The following SUMF1 variants were observed in gnomAD, a reference collection of about 807,000 sequenced individuals.
SUMF1 encodes the protein sulfatase modifying factor 1.
In SUMF1, 48 loss-of-function variants were observed where a neutral mutation model predicts 47.6. That is an observed-to-expected ratio of 1.01 (90% CI 0.80 to 1.28). The LOEUF is 1.28. Ranked by LOEUF, SUMF1 falls within the 50% of genes most tolerant of loss-of-function variation. The probability of loss-of-function intolerance (pLI) is 0.00; values close to 1 mark genes in which losing one functional copy is unlikely to be tolerated. For synonymous variants in SUMF1, 230 were observed against 192.1 expected (o/e 1.20, Z -1.63); for missense variants, 571 against 485.4 (o/e 1.18, Z -1.66).
At chr3:4,297,000 C>T (rs185516246) in intron 8 of SUMF1, among the ~76,000 whole-genome samples, 45 of 152,248 alleles carry the variant, frequency 3.0e-4, no homozygotes, top group Admixed American at 7.8e-4. Context: ...TCTTGGAAGA[C>T]GGACTTTCCC....
chr3:4,199,013 AATACC>A (rs1410912106), intron 8 of SUMF1, among the ~76,000 whole-genome samples: 1 of 152,162 alleles, frequency 6.6e-6, no homozygotes, highest in Non-Finnish European at 1.5e-5. Flanking sequence ...TGCAATTTAT[AATACC>A]ATAAAATTCG....
At chr3:4,073,015 C>T (rs886487014) in intron 8 of SUMF1, among the ~76,000 whole-genome samples, 1 of 152,096 alleles carries the variant, frequency 6.6e-6, no homozygotes, top group Non-Finnish European at 1.5e-5. Flanking sequence ...AGAAGAGCAA[C>T]CCAAAGAGAC....
chr3:4,152,588 T>G (rs1332244978), intron 8 of SUMF1, among the ~76,000 whole-genome samples: 1 of 151,484 alleles, frequency 6.6e-6, no homozygotes, highest in East Asian at 1.9e-4. Context: ...CCACCGTGCC[T>G]GGCCCAGTGT....
At chr3:4,355,001 T>C (rs971525841) in intron 8 of SUMF1, among the ~76,000 whole-genome samples, 7 of 152,228 alleles carry the variant, frequency 4.6e-5, no homozygotes, top group Non-Finnish European at 1.0e-4. Context: ...TGCAGGGATA[T>C]GATCCCAGAC....
At position 4,362,117 on chromosome 3, in the gene SUMF1, TG is replaced by T. The variant is rs1384538430; in HGVS notation, c.*26del. On this transcript the variant is annotated 3_prime_UTR_variant, in exon 9 of 9. Coordinates refer to ENST00000272902, the MANE Select transcript of SUMF1 (RefSeq NM_182760.4). ...ATGTAGGTCAGACACGACTGCTCCT[TG>T]GACTGGGGAAGACTTTCCTTGGTTG... The T allele has an allele frequency of 2.5e-6, 4 of 1,606,522 alleles. No homozygotes were observed. Among genetic ancestry groups the T allele is most frequent in the Non-Finnish European group, 2.6e-6 (3 of 1,173,560 alleles).
At chr3:4,273,084 A>ATG (rs1242153580) in intron 8 of SUMF1, among the ~76,000 whole-genome samples, 2 of 149,444 alleles carry the variant, frequency 1.3e-5, no homozygotes, top group East Asian at 1.9e-4. Context: ...ATATATAAAT[A>ATG]TATATACACA....
At chr3:4,100,283 C>T (rs1177761609) in intron 8 of SUMF1, among the ~76,000 whole-genome samples, 4 of 151,988 alleles carry the variant, frequency 2.6e-5, no homozygotes, top group Middle Eastern at 3.4e-3. Context: ...TACCTGATTA[C>T]AAAATATATT....
chr3:4,178,180 A>G (rs576947126), intron 8 of SUMF1, among the ~76,000 whole-genome samples: 1 of 152,216 alleles, frequency 6.6e-6, no homozygotes, highest in Non-Finnish European at 1.5e-5. Context: ...AATCCTCCCT[A>G]ACTCATTTGA....
chr3:4,262,147 C>A (rs935594140), intron 8 of SUMF1, among the ~76,000 whole-genome samples: 2 of 152,122 alleles, frequency 1.3e-5, no homozygotes, highest in Admixed American at 6.5e-5. Flanking sequence ...GGTAGTGTAA[C>A]TGCCCCTCCT....
intron 8 of SUMF1, among the ~76,000 whole-genome samples, chr3:4,232,041 T>C (rs1696309956): frequency 6.6e-6 from 1 of 152,162 alleles, no homozygotes; most frequent in South Asian, 2.1e-4. Context: ...GAGTGTCTCA[T>C]GTAAATTCCT....
intron 8 of SUMF1, among the ~76,000 whole-genome samples, chr3:4,249,002 C>T (rs1008260330): frequency 6.6e-6 from 1 of 152,168 alleles, no homozygotes; most frequent in African/African-American, 2.4e-5. Context: ...CATGATCTTT[C>T]GTCCCCTTCT....
At chr3:4,176,026 T>C (rs186137910) in intron 8 of SUMF1, among the ~76,000 whole-genome samples, 3 of 152,156 alleles carry the variant, frequency 2.0e-5, no homozygotes, top group East Asian at 1.9e-4. Context: ...CTCCAAGAAA[T>C]ATGGGACTAT....
intron 8 of SUMF1, among the ~76,000 whole-genome samples, chr3:4,335,423 C>A (rs992591401): frequency 1.3e-5 from 2 of 152,132 alleles, no homozygotes; most frequent in Admixed American, 1.3e-4. Flanking sequence ...AAAATGAATC[C>A]CCAAATCAGC....
chr3:4,335,774 A>G (rs1335607791), intron 8 of SUMF1, among the ~76,000 whole-genome samples: 1 of 151,986 alleles, frequency 6.6e-6, no homozygotes, highest in African/African-American at 2.4e-5. Context: ...AGCCTAGTCA[A>G]TATGGTGAAA....
chr3:4,307,551 C>G (rs567614134), intron 8 of SUMF1, among the ~76,000 whole-genome samples: 1 of 152,158 alleles, frequency 6.6e-6, no homozygotes, highest in Non-Finnish European at 1.5e-5. Flanking sequence ...ATAGCCAAGA[C>G]AAGAGTGTAT....
intron 8 of SUMF1, among the ~76,000 whole-genome samples, chr3:4,126,875 T>C (rs745416067): frequency 1.3e-5 from 2 of 152,188 alleles, no homozygotes; most frequent in Non-Finnish European, 2.9e-5. Flanking sequence ...TTCAATCTAA[T>C]GTGTACTCAA....
At chr3:4,268,346 G>C (rs1415815365) in intron 8 of SUMF1, among the ~76,000 whole-genome samples, 1 of 152,056 alleles carries the variant, frequency 6.6e-6, no homozygotes, top group Non-Finnish European at 1.5e-5. Flanking sequence ...TGACAAGTTA[G>C]TGGGTGCAGC....
At chr3:4,273,603 G>A (rs1250760831) in intron 8 of SUMF1, among the ~76,000 whole-genome samples, 1 of 151,434 alleles carries the variant, frequency 6.6e-6, no homozygotes, top group Non-Finnish European at 1.5e-5. Context: ...CTCTGTGAAT[G>A]TACTAAAAAT....
chr3:4,462,643 C>A (rs2258471), intron 1 of SUMF1, among the ~76,000 whole-genome samples: 1 of 152,008 alleles, frequency 6.6e-6, no homozygotes, highest in Non-Finnish European at 1.5e-5. Context: ...CTTCTTTCCT[C>A]TCCTCAACCT....
Sources: gnomAD v4.1 joint callset for allele counts (sites outside exome capture counted in the v4.1 genomes callset) on GRCh38, gnomAD v4.1.1 for gene constraint, MANE v1.5 for transcripts, NCBI Gene and HGNC (gene_info 2026-07-23, HGNC 2026-07-21) for gene names.